ZNF208: variants seen among roughly 807,000 people sequenced by gnomAD.
The protein encoded by ZNF208 is zinc finger protein 95.
ZNF208 carries 10 observed loss-of-function variants against 12.1 expected under a neutral mutation model. The observed-to-expected ratio is 0.83, with a 90% CI of 0.51 to 1.40. ZNF208 has a LOEUF of 1.40. ZNF208 is among the 40% of genes most tolerant of loss of function. ZNF208 has a pLI of 0.00. For synonymous variants in ZNF208, 497 were observed against 488.4 expected (o/e 1.02, Z -0.23); for missense variants, 1,652 against 1,485.0 (o/e 1.11, Z -1.85).
At chr19:21,942,623 G>A (rs1346010815) in intron 4 of ZNF208, among the ~76,000 whole-genome samples, 2 of 152,060 alleles carry the variant, frequency 1.3e-5, no homozygotes, top group African/African-American at 4.8e-5. Flanking sequence ...TTTATTTTCA[G>A]TGTGTTTGTA....
rs1970268506 is a variant in ZNF208, at chr19:21,970,996, A to G, written c.*195T>C. ...GTTTAGTAAGGATTGAGAACATACT[A>G]AAGCCTTTACCACATTCTTCACATT... On this transcript the variant is annotated 3_prime_UTR_variant, in exon 4 of 4. Transcript: ENST00000397126. Among the ~76,000 whole-genome samples, 1 of 151,494 alleles carries G rather than the reference A, an allele frequency of 6.6e-6. No individual in the cohort carries two copies. The highest frequency in any genetic ancestry group is 1.5e-5 in the Non-Finnish European group (1 of 67,894).
chr19:21,989,073 TC>T (rs1970677811), intron 1 of ZNF208, among the ~76,000 whole-genome samples, 164 bp from the exon 2 acceptor site: 6 of 148,112 alleles, frequency 4.1e-5, no homozygotes, highest in African/African-American at 7.5e-5. Flanking sequence ...TAACATATTC[TC>T]TCTCTTTTTT....
rs748749349 is a variant in ZNF208 at position 21,972,922 on chromosome 19, C to T, written c.2112G>A (p.Trp704Ter). 5.0e-6 allele frequency: 8 copies of T among 1,611,826 alleles called. No individual in the cohort carries two copies. In the East Asian group the frequency reaches 1.3e-4, roughly 27 times the overall value. Residue 704 changes from tryptophan to a stop codon, truncating the protein, a stop_gained, in exon 4 of 4, where the codon TGG becomes TGA. Coordinates refer to ENST00000397126, the MANE Select transcript of ZNF208 (RefSeq NM_007153.3). LOFTEE classifies it low-confidence loss of function (END_TRUNC). ...TCTTATGTTCCATAAGGTTTGAGGA[C>T]CAGTTGAAAGCTTTGCCACATTCTT... ...KCEECGKAFN[W>*]SSNLMEHKRI...
intron 1 of ZNF208, among the ~76,000 whole-genome samples, chr19:22,009,300 A>G (rs1291373469): frequency 6.6e-6 from 1 of 152,224 alleles, no homozygotes; most frequent in Non-Finnish European, 1.5e-5. Context: ...AGCCAGAGTC[A>G]GGCTGGAGAA....
rs564389431 is a variant in ZNF208, at chr19:21,988,925, A to G, written c.4-16T>C. 2.5e-5 allele frequency: 40 copies of G among 1,613,394 alleles called. No homozygotes were observed. The South Asian group carries it at 4.3e-4, about 17-fold the overall frequency. ...TCAATGATCCCTGGAAAACACAAAC[A>G]CACATATTTATCAACTGGACATGGG... On this transcript the variant is annotated splice_polypyrimidine_tract_variant and intron_variant, in intron 1 of 3. Coordinates refer to ENST00000397126, the MANE Select transcript of ZNF208 (RefSeq NM_007153.3).
chr19:21,956,469 G>A (rs1274947089), intron 4 of ZNF208, among the ~76,000 whole-genome samples: 2 of 152,164 alleles, frequency 1.3e-5, no homozygotes, highest in African/African-American at 4.8e-5. Flanking sequence ...GCCTCCTTGA[G>A]CAGTGGTGGG....
rs189737877 is a variant in ZNF208 at position 21,971,601 on chromosome 19, C to T, written c.3433G>A (p.Glu1145Lys). 8 of 1,612,052 alleles carry T rather than the reference C, an allele frequency of 5.0e-6. No individual in the cohort carries two copies. The African/African-American group carries it at 8.0e-5, about 16-fold the overall frequency. ...HTGEKPYKCE[E>K]CGKAYKWSST... is the part of the protein sequence containing the mutation. ...GACCACTTATAGGCTTTGCCACATT[C>T]TTCACATTTGTAGGGTTTCTCTCCA... The change falls in exon 4 of 4, where the codon GAA becomes AAA. Residue 1145 changes from glutamate to lysine, a missense_variant. Coordinates refer to ENST00000397126, the MANE Select transcript of ZNF208 (RefSeq NM_007153.3).
At chr19:22,008,768 C>CA (rs1971093901) in intron 1 of ZNF208, among the ~76,000 whole-genome samples, 1 of 151,960 alleles carries the variant, frequency 6.6e-6, no homozygotes, top group South Asian at 2.1e-4. Context: ...GTTAGCTTTC[C>CA]AAAAAAACAG....
intron 4 of ZNF208, among the ~76,000 whole-genome samples, chr19:21,951,651 T>C (rs1209510082): frequency 6.6e-6 from 1 of 152,126 alleles, no homozygotes; most frequent in African/African-American, 2.4e-5. Flanking sequence ...TAAAAGATTA[T>C]AAAAGATTTG....
chr19:21,974,686 A>C lies in ZNF208; in HGVS notation c.348T>G (p.Gly116=). The C allele has an allele frequency of 6.2e-7, 1 of 1,613,608 alleles. No homozygotes were observed. The highest frequency in any genetic ancestry group is 2.2e-5 in the East Asian group (1 of 44,824). The change falls in exon 4 of 4, where the codon GGT becomes GGG. Residue 116 remains glycine (G), a synonymous_variant. Transcript: ENST00000397126. ...CCTTACACTCATCCACATTGGTATA[A>C]CCAATTTTTAAGTGTAAATTCTCAT... ...CGHENLHLKI[G]YTNVDECKVH...
At position 21,971,521 on chromosome 19, in the gene ZNF208, A is replaced by G; in HGVS notation, c.3513T>C (p.Cys1171=). Residue 1171 remains cysteine (C), a synonymous_variant, in exon 4 of 4, where the codon TGT becomes TGC. Transcript: ENST00000397126. The part of the protein sequence containing the change: ...KIHTVEKPYK[C]EECGKGFVMF... ...TAACAAAGCCTTTGCCACATTCTTC[A>G]CATTTGTAGGGTTTCTCTACAGTAT... The G allele has an allele frequency of 6.2e-7, 1 of 1,611,142 alleles. No homozygotes were observed. Among genetic ancestry groups the G allele is most frequent in the Non-Finnish European group, 8.5e-7 (1 of 1,179,810 alleles).
chr19:21,980,628 T>C (rs540206391), intron 3 of ZNF208, among the ~76,000 whole-genome samples: 1 of 152,140 alleles, frequency 6.6e-6, no homozygotes, highest in African/African-American at 2.4e-5. Context: ...AGATCTAAAA[T>C]TGACACCCTA....
intron 1 of ZNF208, among the ~76,000 whole-genome samples, chr19:21,999,530 C>G (rs1385320488): frequency 2.0e-5 from 3 of 152,064 alleles, no homozygotes; most frequent in African/African-American, 7.2e-5. Flanking sequence ...AGGTTTCTGC[C>G]AAAGAACTTA....
intron 4 of ZNF208, among the ~76,000 whole-genome samples, chr19:21,951,501 T>A (rs1300773805): frequency 6.6e-6 from 1 of 152,178 alleles, no homozygotes; most frequent in African/African-American, 2.4e-5. Flanking sequence ...TACCAAAAAA[T>A]TAATTTTGCA....
At chr19:22,000,793 GTAAA>G (rs1970931380) in intron 1 of ZNF208, among the ~76,000 whole-genome samples, 2 of 151,812 alleles carry the variant, frequency 1.3e-5, no homozygotes, top group African/African-American at 2.4e-5. Flanking sequence ...TTTAAAAAAG[GTAAA>G]TAAACTACTA....
intron 1 of ZNF208, among the ~76,000 whole-genome samples, chr19:22,008,645 GC>G (rs1283288535): frequency 2.0e-5 from 3 of 151,918 alleles, no homozygotes; most frequent in African/African-American, 4.8e-5. Context: ...GAATCCAGGG[GC>G]AAAAATTATT....
At chr19:21,947,825 T>C (rs1046349082) in intron 4 of ZNF208, among the ~76,000 whole-genome samples, 4 of 152,190 alleles carry the variant, frequency 2.6e-5, no homozygotes, top group Admixed American at 2.0e-4. Flanking sequence ...TATAAAAGTA[T>C]CTTGCCTAAA....
intron 4 of ZNF208, among the ~76,000 whole-genome samples, chr19:21,960,235 T>C (rs1258656559): frequency 6.6e-6 from 1 of 152,110 alleles, no homozygotes; most frequent in Non-Finnish European, 1.5e-5. Flanking sequence ...ATTATGTTAA[T>C]AATAATGTAA....
intron 4 of ZNF208, among the ~76,000 whole-genome samples, chr19:21,958,382 T>C (rs1260432527): frequency 6.6e-6 from 1 of 152,136 alleles, no homozygotes; most frequent in Non-Finnish European, 1.5e-5. Flanking sequence ...AATATTCTAG[T>C]TCTAAGCAAT....
Sources: allele counts gnomAD v4.1 joint callset (sites outside exome capture counted in the v4.1 genomes callset), GRCh38; gene constraint gnomAD v4.1.1; transcripts MANE v1.5; gene names NCBI Gene and HGNC (gene_info 2026-07-23, HGNC 2026-07-21).